Variants in NR1H3 observed in about 807,000 individuals in gnomAD.
NR1H3 encodes nuclear receptor subfamily 1 group H member 3, also known as oxysterols receptor LXR-alpha.
A neutral mutation model predicts 48.1 loss-of-function variants in NR1H3; 19 were observed. The ratio of observed to expected loss-of-function variants is 0.40; its 90% confidence interval spans 0.28 to 0.58. The LOEUF (loss-of-function observed/expected upper bound fraction) is 0.58. Ranked by LOEUF, NR1H3 falls within the 20% of genes least tolerant of loss-of-function variation. The pLI is 0.50. For synonymous variants in NR1H3, 232 were observed against 227.3 expected (o/e 1.02, Z -0.19); for missense variants, 486 against 595.9 (o/e 0.82, Z 1.92).
Position 47,268,733 on chromosome 11 carries a change from ATGGCTGAGGCCTGG to A in NR1H3, c.*44_*57del. On this transcript the variant is annotated 3_prime_UTR_variant, in exon 10 of 10. Transcript: ENST00000441012. ...CCATATTTTCTGTTTTCTTGGCCGG[ATGGCTGAGGCCTGG>A]TGGCTGCCTCCTAGAAGTGGAACAG... 2 of 1,605,280 alleles carry A rather than the reference ATGGCTGAGGCCTGG, an allele frequency of 1.2e-6. No homozygotes were observed. The highest frequency in any genetic ancestry group is 1.7e-6 in the Non-Finnish European group (2 of 1,175,080).
At chr11:47,262,791 A>T (rs1014238323) in intron 7 of NR1H3, among the ~76,000 whole-genome samples, 1 of 152,172 alleles carries the variant, frequency 6.6e-6, no homozygotes, top group Non-Finnish European at 1.5e-5. Flanking sequence ...GATTACAGGC[A>T]TGAGCCACTG....
intron 8 of NR1H3, 103 bp from the exon 9 acceptor site, chr11:47,268,158 G>A (rs974858752): frequency 1.6e-6 from 2 of 1,253,072 alleles, no homozygotes; most frequent in African/African-American, 3.0e-5. Flanking sequence ...ATTTTAGGAT[G>A]AGAGAGCTTG....
At chr11:47,254,786 C>T (rs1415355429), upstream of NR1H3, among the ~76,000 whole-genome samples, 3 of 152,158 alleles carry the variant, frequency 2.0e-5, no homozygotes, top group Admixed American at 1.3e-4. Context: ...TTCCTCTCAT[C>T]TTTCACCAGG....
chr11:47,260,258 C>A, intron 3 of NR1H3, 151 bp from the exon 4 acceptor site: 1 of 1,112,936 alleles, frequency 9.0e-7, no homozygotes, highest in Non-Finnish European at 1.3e-6. Flanking sequence ...TGGCACTTGG[C>A]AAATGAGGGC....
upstream of NR1H3, among the ~76,000 whole-genome samples, chr11:47,253,876 C>A (rs534139496): frequency 6.6e-6 from 1 of 152,124 alleles, no homozygotes; most frequent in African/African-American, 2.4e-5. Context: ...GCTGGTGGGA[C>A]TGTGGCACGG....
intron 2 of NR1H3, 87 bp downstream of exon 2, chr11:47,259,346 T>A: frequency 6.2e-7 from 1 of 1,606,094 alleles, no homozygotes; most frequent in Non-Finnish European, 8.5e-7. Flanking sequence ...TTACCTGCCT[T>A]CTTCCTTCCT....
At chr11:47,268,511 G>T (rs1363661177) in intron 9 of NR1H3, 39 bp from the exon 10 acceptor site, 7 of 1,613,590 alleles carry the variant, frequency 4.3e-6, no homozygotes, top group Non-Finnish European at 5.9e-6. Context: ...CTTCCCTGGG[G>T]ACAGGCAAAA....
chr11:47,250,890 G>A (rs895496030), intron 1 of NR1H3, among the ~76,000 whole-genome samples: 4 of 152,212 alleles, frequency 2.6e-5, no homozygotes, highest in African/African-American at 7.2e-5. Flanking sequence ...GGCCGGGTGC[G>A]TGCTCACGCC....
intron 7 of NR1H3, among the ~76,000 whole-genome samples, chr11:47,264,021 T>C (rs1032607388): frequency 1.3e-5 from 2 of 152,230 alleles, no homozygotes; most frequent in African/African-American, 4.8e-5. Context: ...ATATCTGAAG[T>C]ATTTTCTCCA....
chr11:47,249,952 T>A (rs80143004), intron 1 of NR1H3, among the ~76,000 whole-genome samples: 1 of 151,168 alleles, frequency 6.6e-6, no homozygotes, highest in African/African-American at 2.4e-5. Flanking sequence ...AAAAAAAAAT[T>A]AGCCGGGTGC....
chr11:47,260,672 G>C lies in NR1H3; in HGVS notation c.496G>C (p.Glu166Gln), dbSNP rs1225575658. The change falls in exon 4 of 10, where the codon GAG (glutamate) becomes CAG (glutamine). Residue 166 changes from glutamate (E) to glutamine (Q), a missense_variant. Coordinates refer to ENST00000441012, the MANE Select transcript of NR1H3 (RefSeq NM_005693.4). ...ATGCCGTCAGGCTGGCATGCGGGAG[G>C]AGTGTGAGTTTCTGGGGCTGGAGTG... ...RKCRQAGMRE[E>Q]CVLSEEQIRL... 1 of 1,594,478 alleles carries C rather than the reference G, an allele frequency of 6.3e-7. No homozygotes were observed. The highest frequency in any genetic ancestry group is 1.3e-5 in the African/African-American group (1 of 74,804).
intron 7 of NR1H3, among the ~76,000 whole-genome samples, chr11:47,266,290 T>C: frequency 6.6e-6 from 1 of 151,848 alleles, no homozygotes; most frequent in East Asian, 1.9e-4. Context: ...TGATCCTCCT[T>C]GAGTAGCTGG....
rs1957815446 is a variant in NR1H3 at position 47,268,925 on chromosome 11, G to C, written c.*229G>C. ...TGAAGATCATGCTGACCCCACAAAC[G>C]GATGGGCCTGGGGGCCACTTTGCAC... On this transcript the variant is annotated 3_prime_UTR_variant, in exon 10 of 10. Transcript: ENST00000441012. 1 of 546,808 alleles carries C rather than the reference G, an allele frequency of 1.8e-6. No individual in the cohort carries two copies. The highest frequency in any genetic ancestry group is 1.9e-5 in the African/African-American group (1 of 52,648). The allele number at this position is 546,808 out of a possible 1,614,324, so 33.9% of individuals were successfully genotyped here. A position where few individuals can be genotyped will look rare whatever the true frequency, so the allele number is the denominator to read the frequency against.
intron 7 of NR1H3, 124 bp downstream of exon 7, chr11:47,262,142 G>T: frequency 1.5e-6 from 1 of 655,026 alleles, no homozygotes; most frequent in Non-Finnish European, 2.7e-6. Context: ...CACTTTGGGA[G>T]GCCGAGGTGG....
chr11:47,249,238 T>TG (rs1954396172), intron 1 of NR1H3, among the ~76,000 whole-genome samples: 1 of 152,070 alleles, frequency 6.6e-6, no homozygotes, highest in African/African-American at 2.4e-5. Context: ...CCTGCCTTTG[T>TG]GGGGAGATTG....
At chr11:47,252,615 C>T (rs59523328) in intron 1 of NR1H3, among the ~76,000 whole-genome samples, 2,849 of 151,570 alleles carry the variant, frequency 0.019, 100 homozygotes, top group African/African-American at 0.066. Context: ...CCACTGTCGC[C>T]CAGGCTGGAG....
chr11:47,253,233 T>C (rs915179681), upstream of NR1H3, among the ~76,000 whole-genome samples: 2 of 151,090 alleles, frequency 1.3e-5, no homozygotes, highest in African/African-American at 4.9e-5. Context: ...CCTCCCAAAG[T>C]GCTAGGATTA....
intron 7 of NR1H3, among the ~76,000 whole-genome samples, chr11:47,262,762 C>T (rs549445708): frequency 0.016 from 1,334 of 85,124 alleles, 11 homozygotes; most frequent in Non-Finnish European, 0.021. Flanking sequence ...CCATGTGCCT[C>T]AGCCTCCCAA....
chr11:47,248,334 C>G, upstream of NR1H3: 1 of 1,158,848 alleles, frequency 8.6e-7, no homozygotes, highest in East Asian at 2.6e-5. Flanking sequence ...TACTGGAGAC[C>G]ATAGGCAAAG....
Sources: allele counts gnomAD v4.1 joint callset (sites outside exome capture counted in the v4.1 genomes callset), GRCh38; gene constraint gnomAD v4.1.1; transcripts MANE v1.5; gene names NCBI Gene and HGNC (gene_info 2026-07-23, HGNC 2026-07-21).